The following OR10H5 variants were observed in gnomAD, a reference collection of about 807,000 sequenced individuals.
The protein encoded by OR10H5 is olfactory receptor family 10 subfamily H member 5, also known as olfactory receptor 10H5.
Under a neutral mutation model 12.2 loss-of-function variants are expected in OR10H5, and 7 were observed. The ratio of observed to expected loss-of-function variants is 0.57; its 90% CI spans 0.33 to 1.07. The LOEUF (loss-of-function observed/expected upper bound fraction) is 1.07. OR10H5 is among the 50% of genes least tolerant of loss of function. The pLI, the probability that OR10H5 is intolerant of heterozygous loss-of-function variation, is 0.04. For synonymous variants in OR10H5, 159 were observed against 175.1 expected, an observed-to-expected ratio of 0.91 and a Z score of 0.73; for missense variants, 346 against 411.6, an observed-to-expected ratio of 0.84 and a Z score of 1.38.
rs1016325386 is a variant in OR10H5, at chr19:15,799,895, G to C, written c.*4899G>C. On this transcript the variant is annotated 3_prime_UTR_variant, in exon 2 of 2. Transcript: ENST00000642092. ...TTTTTTGTGTTTTTAGTACAGACAG[G>C]GTTTCGCCATGTTGCCCAGGATGGT... is the stretch of plus-strand genomic sequence containing the variant. 1 of 151,824 alleles carries C rather than the reference G, an allele frequency of 6.6e-6. No homozygotes were observed. Among genetic ancestry groups the C allele is most frequent in the Admixed American group, 6.6e-5 (1 of 15,242 alleles). The allele number at this position is 151,824 out of a possible 1,614,324, so 9.4% of individuals were successfully genotyped here.
chr19:15,794,408 C>A lies in OR10H5; in HGVS notation c.360C>A (p.Tyr120Ter). ...CCTTCCTGCTCACTGTCATGGGCTA[C>A]GACCGCTACGTGGCCATCTGCCACC... ...THSFLLTVMGYDRYVAICHPL... is the reference protein window; with the variant it reads ...THSFLLTVMG Residue 120 changes from tyrosine (Y) to a stop codon, truncating the protein, a stop_gained, in exon 2 of 2, where the codon TAC becomes TAA. Coordinates refer to ENST00000642092, the MANE Select transcript of OR10H5 (RefSeq NM_001004466.2). LOFTEE classifies it high-confidence loss of function. 6.2e-7 allele frequency: 1 copy of A among 1,614,216 alleles called. No homozygotes were observed. The highest frequency in any genetic ancestry group is 8.5e-7 in the Non-Finnish European group (1 of 1,180,030).
rs181962661 is a variant in OR10H5, at chr19:15,791,596, A to G, written c.-11-2442A>G. ...GATCTCATTTTATTTATTCCCATTT[A>G]TCATCATGTCTCACTTCTACTTCCC... On this transcript the variant is annotated intron_variant, in intron 1 of 1. Coordinates refer to ENST00000642092, the MANE Select transcript of OR10H5 (RefSeq NM_001004466.2). Among the ~76,000 whole-genome samples, 103 of 152,064 alleles carry G rather than the reference A, an allele frequency of 6.8e-4. 1 individual carries two copies. Among genetic ancestry groups the G allele is most frequent in the Middle Eastern group, 3.4e-3 (1 of 294 alleles).
chr19:15,795,219 C>T lies in OR10H5; in HGVS notation c.*223C>T. 1 of 560,746 alleles carries T rather than the reference C, an allele frequency of 1.8e-6. No homozygotes were observed. The highest frequency in any genetic ancestry group is 3.1e-6 in the Non-Finnish European group (1 of 317,980). The allele number at this position is 560,746 out of a possible 1,614,324, so 34.7% of individuals were successfully genotyped here. On this transcript the variant is annotated 3_prime_UTR_variant, in exon 2 of 2. Coordinates refer to ENST00000642092, the MANE Select transcript of OR10H5 (RefSeq NM_001004466.2). ...CATCCTTCCTCCCTCCCTCCCTCCC[C>T]CTTCCTTCTTCTCTGCCTACTTCCC...
At chr19:15,792,169 A>G (rs1463832175) in intron 1 of OR10H5, among the ~76,000 whole-genome samples, 1 of 152,164 alleles carries the variant, frequency 6.6e-6, no homozygotes, top group Non-Finnish European at 1.5e-5. Context: ...CTAGGGCACA[A>G]TTCATTTCAT....
rs2088831966 is a variant in OR10H5 at position 15,794,935 on chromosome 19, A to G, written c.887A>G (p.Lys296Arg). 6.2e-7 allele frequency: 1 copy of G among 1,614,218 alleles called. No homozygotes were observed. Among genetic ancestry groups the G allele is most frequent in the African/African-American group, 1.3e-5 (1 of 75,060 alleles). ...CCCATCATCTTCAGCCTCAGGAACA[A>G]GGAGCTGAAGGTCGCCATGAAGAAG... is the stretch of plus-strand genomic sequence containing the variant. ...LSPIIFSLRN[K>R]ELKVAMKKTC... The change falls in exon 2 of 2, where the codon AAG becomes AGG. Residue 296 changes from lysine (K) to arginine (R), a missense_variant. Coordinates refer to ENST00000642092, the MANE Select transcript of OR10H5 (RefSeq NM_001004466.2).
In OR10H5 at chr19:15,794,834, G is replaced by A; in HGVS notation, c.786G>A (p.Lys262=). 1 of 1,614,126 alleles carries A rather than the reference G, an allele frequency of 6.2e-7. No individual in the cohort carries two copies. The highest frequency in any genetic ancestry group is 1.3e-5 in the African/African-American group (1 of 75,024). Residue 262 remains lysine, a synonymous_variant, in exon 2 of 2, where the codon AAG becomes AAA. Coordinates refer to ENST00000642092, the MANE Select transcript of OR10H5 (RefSeq NM_001004466.2). ...GCTTTGCCTCCGTCATTTACCTGAA[G>A]CCCAAAGGTCCCCAGTCTCCGGAAG... is the stretch of plus-strand genomic sequence containing the variant. The part of the protein sequence containing the change: ...HYGFASVIYL[K]PKGPQSPEGD...
rs748964716 is a variant in OR10H5 at position 15,791,144 on chromosome 19, G to A, written c.-11-2894G>A. ...GCAGATCACTTGAGGACAGGAGTTCGAGACCAGCCTGGCCAACATGGCAAA... is the reference window on the plus strand; with the variant it reads ...GCAGATCACTTGAGGACAGGAGTTCAAGACCAGCCTGGCCAACATGGCAAA... On this transcript the variant is annotated intron_variant, in intron 1 of 1. Coordinates refer to ENST00000642092, the MANE Select transcript of OR10H5 (RefSeq NM_001004466.2). 7.2e-5 allele frequency among the ~76,000 whole-genome samples: 11 copies of A among 152,238 alleles called. No homozygotes were observed. The South Asian group carries it at 1.2e-3, about 17-fold the overall frequency.
chr19:15,793,906 T>A, intron 1 of OR10H5, 132 bp from the exon 2 acceptor site: 1 of 765,330 alleles, frequency 1.3e-6, no homozygotes, highest in Non-Finnish European at 2.1e-6. Context: ...ATAAATAACA[T>A]ATTTTTGCAC....
At chr19:15,790,357 C>T (rs546582737) in intron 1 of OR10H5, among the ~76,000 whole-genome samples, 2 of 152,308 alleles carry the variant, frequency 1.3e-5, no homozygotes, top group African/African-American at 4.8e-5. Flanking sequence ...ATCACGACAA[C>T]GTCAGCTGGC....
chr19:15,789,341 C>T (rs2088798408), intron 1 of OR10H5, among the ~76,000 whole-genome samples: 1 of 152,224 alleles, frequency 6.6e-6, no homozygotes, highest in Non-Finnish European at 1.5e-5. Context: ...TCTGCCTTTG[C>T]ATCTGTGTGT....
chr19:15,792,762 G>A (rs965339803), intron 1 of OR10H5, among the ~76,000 whole-genome samples: 4 of 152,044 alleles, frequency 2.6e-5, no homozygotes, highest in Non-Finnish European at 4.4e-5. Context: ...TACTGTGCCC[G>A]GCCCTTAACC....
At position 15,794,794 on chromosome 19, in the gene OR10H5, T is replaced by C; in HGVS notation, c.746T>C (p.Val249Ala). The C allele has an allele frequency of 1.2e-6, 2 of 1,614,068 alleles. No homozygotes were observed. The highest frequency in any genetic ancestry group is 1.7e-6 in the Non-Finnish European group (2 of 1,179,958). Residue 249 changes from valine (V) to alanine (A), a missense_variant, in exon 2 of 2, where the codon GTG becomes GCG. Coordinates refer to ENST00000642092, the MANE Select transcript of OR10H5 (RefSeq NM_001004466.2). ...ACCTGTGCCTCTCACCTCACTGTGG[T>C]GGTCGTGCACTATGGCTTTGCCTCC... ...FSTCASHLTV[V>A]VVHYGFASVI...
At chr19:15,793,096 A>C (rs1313885720) in intron 1 of OR10H5, among the ~76,000 whole-genome samples, 1 of 152,124 alleles carries the variant, frequency 6.6e-6, no homozygotes, top group Non-Finnish European at 1.5e-5. Context: ...GATCTTATTT[A>C]AACCTTTACA....
intron 1 of OR10H5, among the ~76,000 whole-genome samples, chr19:15,791,747 C>T (rs2088810367): frequency 6.6e-6 from 1 of 151,130 alleles, no homozygotes; most frequent in South Asian, 2.1e-4. Context: ...GGCTGGAGTG[C>T]AGTGGCGCCA....
Position 15,794,181 on chromosome 19 carries a change from A to G in OR10H5, c.133A>G (p.Ile45Val), listed in dbSNP as rs1381171175. 4 of 1,613,966 alleles carry G rather than the reference A, an allele frequency of 2.5e-6. No individual in the cohort carries two copies. Among genetic ancestry groups the G allele is most frequent in the Non-Finnish European group, 3.4e-6 (4 of 1,179,970 alleles). The change falls in exon 2 of 2, where the codon ATC (isoleucine) becomes GTC (valine). Residue 45 changes from isoleucine to valine, a missense_variant. Physicochemically the swap from Ile to Val is conservative, Grantham distance 29. Transcript: ENST00000642092. ...YLFTLLGNLL[I>V]MATVWSERSL... Reference sequence around the variant, plus strand: ...GTTCACGCTGCTGGGCAACCTGCTCATCATGGCCACTGTCTGGAGCGAGCG... The same window carrying G: ...GTTCACGCTGCTGGGCAACCTGCTCGTCATGGCCACTGTCTGGAGCGAGCG...
intron 1 of OR10H5, among the ~76,000 whole-genome samples, chr19:15,791,441 TACAC>T (rs35542150): frequency 0.053 from 7,789 of 147,436 alleles, 473 homozygotes; most frequent in African/African-American, 0.14. Flanking sequence ...ATAGATACCA[TACAC>T]ACACACACAC....
At chr19:15,788,702 T>A (rs1183918362) in intron 1 of OR10H5, among the ~76,000 whole-genome samples, 2 of 152,016 alleles carry the variant, frequency 1.3e-5, no homozygotes, top group Non-Finnish European at 2.9e-5. Flanking sequence ...TTGCTCAGGC[T>A]GGTCTCGAAC....
rs183576469 is a variant in OR10H5 at position 15,796,474 on chromosome 19, G to C, written c.*1478G>C. Reference sequence around the variant, plus strand: ...GTGTCACATTCAAATATTAAATTGGGCCAGGCACAGTGCCTCACACCTGTA... The same window carrying C: ...GTGTCACATTCAAATATTAAATTGGCCCAGGCACAGTGCCTCACACCTGTA... On this transcript the variant is annotated 3_prime_UTR_variant, in exon 2 of 2. Transcript: ENST00000642092. The C allele has an allele frequency of 4.6e-5, 7 of 152,270 alleles. No homozygotes were observed. Among genetic ancestry groups the C allele is most frequent in the African/African-American group, 1.4e-4 (6 of 41,548 alleles). 9.4% of individuals were successfully genotyped at this position (152,270 alleles called of 1,614,324 possible).
chr19:15,789,981 C>A (rs1236182412), intron 1 of OR10H5, among the ~76,000 whole-genome samples: 1 of 152,044 alleles, frequency 6.6e-6, no homozygotes, highest in African/African-American at 2.4e-5. Flanking sequence ...AAGATGGGAT[C>A]TCACTATGTT....
Sources: allele counts gnomAD v4.1 joint callset (sites outside exome capture counted in the v4.1 genomes callset), GRCh38; gene constraint gnomAD v4.1.1; transcripts MANE v1.5; gene names NCBI Gene and HGNC (gene_info 2026-07-23, HGNC 2026-07-21).